Variants in SYN3 observed in about 807,000 individuals in gnomAD.
SYN3 encodes synapsin III, also known as synapsin-3.
In SYN3, 35 loss-of-function variants were observed where a neutral mutation model predicts 65.8. That is an observed-to-expected ratio of 0.53 (90% CI 0.41 to 0.70). The LOEUF (loss-of-function observed/expected upper bound fraction) is 0.70, where lower values mean the gene tolerates loss of function less well. SYN3 is among the 30% of genes least tolerant of loss of function. SYN3 has a pLI of 0.00. For synonymous variants in SYN3, 270 were observed against 292.9 expected, an observed-to-expected ratio of 0.92 and a Z score of 0.80; for missense variants, 680 against 749.0, an observed-to-expected ratio of 0.91 and a Z score of 1.08.
chr22:32,955,133 A>T (rs983277459), intron 3 of SYN3, among the ~76,000 whole-genome samples: 1 of 152,062 alleles, frequency 6.6e-6, no homozygotes, highest in Non-Finnish European at 1.5e-5. Context: ...CATCCAGGGA[A>T]CAGCCCTGCA....
chr22:32,685,186 T>C (rs1282401842), intron 6 of SYN3, among the ~76,000 whole-genome samples: 2 of 152,196 alleles, frequency 1.3e-5, no homozygotes, highest in African/African-American at 2.4e-5. Context: ...ACTTTGACAA[T>C]TCCTGCTCTA....
intron 6 of SYN3, among the ~76,000 whole-genome samples, chr22:32,813,669 T>TC (rs997780369): frequency 1.1e-4 from 16 of 151,802 alleles, no homozygotes; most frequent in African/African-American, 3.9e-4. Flanking sequence ...CCCAATTTTT[T>TC]TTTTTTTGGC....
intron 6 of SYN3, among the ~76,000 whole-genome samples, chr22:32,597,962 C>G (rs1390520950): frequency 6.6e-6 from 1 of 152,184 alleles, no homozygotes; most frequent in Non-Finnish European, 1.5e-5. Flanking sequence ...TTTGCTTTCC[C>G]CCTTTCATGT....
chr22:32,614,342 A>G (rs1334715918), intron 6 of SYN3, among the ~76,000 whole-genome samples: 1 of 152,194 alleles, frequency 6.6e-6, no homozygotes, highest in East Asian at 1.9e-4. Flanking sequence ...GCCCTGAGAT[A>G]CTGACTCTGA....
chr22:32,753,345 AAATTCCC>A, intron 6 of SYN3, among the ~76,000 whole-genome samples: 1 of 152,238 alleles, frequency 6.6e-6, no homozygotes, highest in East Asian at 1.9e-4. Context: ...CCACCTCCAG[AAATTCCC>A]AACTCCTGAC....
intron 4 of SYN3, among the ~76,000 whole-genome samples, chr22:32,928,874 C>T (rs1002520497): frequency 3.3e-5 from 5 of 152,174 alleles, no homozygotes; most frequent in African/African-American, 1.2e-4. Flanking sequence ...AGGATAATCT[C>T]TTCAGCTGTA....
At chr22:33,030,344 A>G (rs470013) in intron 1 of SYN3, among the ~76,000 whole-genome samples, 101,430 of 152,130 alleles carry the variant, frequency 0.67, 34,453 homozygotes, top group African/African-American at 0.74. Context: ...TGCATGAAGT[A>G]CAAAGGAAGG....
intron 1 of SYN3, among the ~76,000 whole-genome samples, chr22:33,029,599 A>T (rs1053418751): frequency 3.9e-5 from 6 of 152,170 alleles, no homozygotes; most frequent in African/African-American, 9.7e-5. Flanking sequence ...CTTAGGAGGT[A>T]GGTGTGCTGG....
chr22:32,939,546 C>CT (rs2050877931), intron 3 of SYN3, among the ~76,000 whole-genome samples: 2 of 152,200 alleles, frequency 1.3e-5, no homozygotes. Flanking sequence ...CATGATGCTA[C>CT]CATTTTAATG....
chr22:33,019,059 T>C (rs920600281), intron 1 of SYN3, among the ~76,000 whole-genome samples: 10 of 152,140 alleles, frequency 6.6e-5, no homozygotes, highest in Non-Finnish European at 1.0e-4. Flanking sequence ...GCTCAGTCAT[T>C]CAGTCAACTT....
At chr22:32,982,020 A>G (rs2052388431) in intron 2 of SYN3, among the ~76,000 whole-genome samples, 1 of 152,166 alleles carries the variant, frequency 6.6e-6, no homozygotes, top group Admixed American at 6.5e-5. Context: ...GACTTTAGAA[A>G]ATACAGTTTT....
At position 33,037,229 on chromosome 22, in the gene SYN3, A is replaced by G. The variant is rs556587736; in HGVS notation, c.-163+21063T>C. 1.1e-4 allele frequency among the ~76,000 whole-genome samples: 17 copies of G among 152,266 alleles called. No homozygotes were observed. The East Asian group carries it at 1.9e-3, about 17-fold the overall frequency. ...TCCTTTGTTATTATCTCTGCTTCAC[A>G]TATGGAGAAAACTAAGGCTCAGAAA... On this transcript the variant is annotated intron_variant, in intron 1 of 13. Transcript: ENST00000358763.
At chr22:32,958,821 C>G (rs2051549288) in intron 3 of SYN3, among the ~76,000 whole-genome samples, 1 of 152,124 alleles carries the variant, frequency 6.6e-6, no homozygotes, top group Non-Finnish European at 1.5e-5. Context: ...CTGCTTTTGA[C>G]TGTTTCACTA....
chr22:32,870,702 A>G (rs761336000), intron 4 of SYN3, among the ~76,000 whole-genome samples: 2 of 152,132 alleles, frequency 1.3e-5, no homozygotes, highest in Non-Finnish European at 2.9e-5. Context: ...ATTTTTTTCA[A>G]TTTGACAACA....
chr22:32,961,927 C>A (rs140239917), intron 3 of SYN3, among the ~76,000 whole-genome samples: 92 of 152,232 alleles, frequency 6.0e-4, no homozygotes, highest in African/African-American at 2.0e-3. Context: ...TTGAACCACT[C>A]CCTTGAAGTC....
chr22:32,962,897 A>G (rs991736640), intron 3 of SYN3, among the ~76,000 whole-genome samples: 1 of 151,104 alleles, frequency 6.6e-6, no homozygotes, highest in Non-Finnish European at 1.5e-5. Context: ...CTCTCTATAT[A>G]TATATAAATA....
rs530028076 is a variant in SYN3 at position 32,791,015 on chromosome 22, A to G, written c.711+73900T>C. Among the ~76,000 whole-genome samples, 16 of 152,352 alleles carry G rather than the reference A, an allele frequency of 1.1e-4. 1 individual carries two copies. The South Asian group carries it at 3.1e-3, about 30-fold the overall frequency. On this transcript the variant is annotated intron_variant, in intron 6 of 13. Coordinates refer to ENST00000358763, the MANE Select transcript of SYN3 (RefSeq NM_003490.4). Reference sequence around the variant, plus strand: ...AGTATTCAGAGATAGTGAGGAGTGCAGGATGGGACGCTGAACTTGGAAATC... The same window carrying G: ...AGTATTCAGAGATAGTGAGGAGTGCGGGATGGGACGCTGAACTTGGAAATC...
chr22:33,046,625 G>C (rs1465248378), intron 1 of SYN3, among the ~76,000 whole-genome samples: 1 of 151,718 alleles, frequency 6.6e-6, no homozygotes, highest in Non-Finnish European at 1.5e-5. Flanking sequence ...GGTGGATCAC[G>C]AGGTCAGGAG....
At chr22:32,854,898 A>G (rs2048323127) in intron 6 of SYN3, among the ~76,000 whole-genome samples, 1 of 152,176 alleles carries the variant, frequency 6.6e-6, no homozygotes, top group African/African-American at 2.4e-5. Flanking sequence ...CAACAGACCA[A>G]GTTATGCTAT....
Sources: gnomAD v4.1 joint callset for allele counts (sites outside exome capture counted in the v4.1 genomes callset) on GRCh38, gnomAD v4.1.1 for gene constraint, MANE v1.5 for transcripts, NCBI Gene and HGNC (gene_info 2026-07-23, HGNC 2026-07-21) for gene names.